Variants in PXDNL observed in about 807,000 individuals in gnomAD.
PXDNL encodes peroxidasin like, also known as probable oxidoreductase PXDNL.
In PXDNL, 145 loss-of-function variants were observed where a neutral mutation model predicts 150.8. That is an observed-to-expected ratio of 0.96 (90% CI 0.84 to 1.10). The LOEUF (loss-of-function observed/expected upper bound fraction) is 1.10, where lower values mean the gene tolerates loss of function less well. PXDNL is among the 50% of genes least tolerant of loss of function. The pLI is 0.00. For synonymous variants in PXDNL, 757 were observed against 725.7 expected, an observed-to-expected ratio of 1.04 and a Z score of -0.69; for missense variants, 2,087 against 1,873.9, an observed-to-expected ratio of 1.11 and a Z score of -2.10.
chr8:51,505,348 C>T (rs1156559957), intron 4 of PXDNL, among the ~76,000 whole-genome samples: 1 of 139,062 alleles, frequency 7.2e-6, no homozygotes, highest in Non-Finnish European at 1.5e-5. Context: ...TCGCTGGTAT[C>T]GCTTTAGCTT....
chr8:51,556,117 T>G (rs1400503029), intron 4 of PXDNL, among the ~76,000 whole-genome samples: 1 of 151,854 alleles, frequency 6.6e-6, no homozygotes, highest in African/African-American at 2.4e-5. Flanking sequence ...ACTAAAAACA[T>G]ATAAATTAGC....
At chr8:51,375,480 T>C (rs1807273480) in intron 17 of PXDNL, among the ~76,000 whole-genome samples, 3 of 152,258 alleles carry the variant, frequency 2.0e-5, no homozygotes, top group South Asian at 4.1e-4. Flanking sequence ...ATACATATGA[T>C]TCTCTAAACT....
At chr8:51,647,399 A>G (rs377732791) in intron 2 of PXDNL, among the ~76,000 whole-genome samples, 2 of 152,210 alleles carry the variant, frequency 1.3e-5, no homozygotes, top group East Asian at 3.8e-4. Flanking sequence ...GAGTGATGGT[A>G]ATTGTGCTGC....
intron 9 of PXDNL, among the ~76,000 whole-genome samples, chr8:51,455,001 C>T (rs1809899948): frequency 4.2e-5 from 4 of 95,558 alleles, no homozygotes; most frequent in African/African-American, 2.2e-4. Context: ...CCCAGCTACT[C>T]GGGAGGCTGA....
At chr8:51,370,192 C>T (rs1189781484) in intron 19 of PXDNL, among the ~76,000 whole-genome samples, 1 of 152,208 alleles carries the variant, frequency 6.6e-6, no homozygotes, top group Non-Finnish European at 1.5e-5. Flanking sequence ...CTAGGTGTTT[C>T]CCTGAATCAC....
At chr8:51,350,225 C>T (rs1806293565) in intron 19 of PXDNL, among the ~76,000 whole-genome samples, 1 of 152,010 alleles carries the variant, frequency 6.6e-6, no homozygotes, top group Admixed American at 6.6e-5. Flanking sequence ...CAATTTTGTA[C>T]AGAGGCTTGA....
intron 12 of PXDNL, among the ~76,000 whole-genome samples, chr8:51,446,490 CCTT>C (rs1191430960): frequency 4.0e-5 from 6 of 151,630 alleles, no homozygotes; most frequent in African/African-American, 1.5e-4. Flanking sequence ...GATTTTTTTC[CCTT>C]TTTATATATC....
intron 3 of PXDNL, among the ~76,000 whole-genome samples, chr8:51,557,227 AAC>A (rs1445140520): frequency 6.6e-6 from 1 of 152,126 alleles, no homozygotes; most frequent in African/African-American, 2.4e-5. Context: ...TTTGACTATA[AAC>A]AATTTTTTAA....
intron 17 of PXDNL, 145 bp from the exon 18 acceptor site, chr8:51,374,876 G>T: frequency 1.9e-6 from 2 of 1,029,622 alleles, no homozygotes; most frequent in Admixed American, 5.5e-5. Context: ...TTTCATGGGG[G>T]AAAGCACTCA....
intron 1 of PXDNL, among the ~76,000 whole-genome samples, chr8:51,689,530 G>T (rs1320978428): frequency 6.6e-6 from 1 of 151,956 alleles, no homozygotes; most frequent in Non-Finnish European, 1.5e-5. Context: ...AGTCTTATGG[G>T]TGATGCCCCA....
intron 9 of PXDNL, among the ~76,000 whole-genome samples, chr8:51,456,010 T>G (rs1349584689): frequency 6.6e-6 from 1 of 152,192 alleles, no homozygotes; most frequent in Non-Finnish European, 1.5e-5. Flanking sequence ...TGCAATTTCC[T>G]CCATTCACTT....
chr8:51,644,330 A>AAAATTTT (rs1350703827), intron 2 of PXDNL, among the ~76,000 whole-genome samples: 1 of 52,654 alleles, frequency 1.9e-5, no homozygotes, highest in African/African-American at 4.1e-5. Context: ...ACATATATAT[A>AAAATTTT]TATATATACA....
chr8:51,616,536 GA>G (rs1407490950), intron 2 of PXDNL, among the ~76,000 whole-genome samples: 1 of 152,146 alleles, frequency 6.6e-6, no homozygotes, highest in African/African-American at 2.4e-5. Flanking sequence ...GGGTATCTGT[GA>G]GGCATTGGTT....
chr8:51,397,755 C>CT lies in PXDNL; in HGVS notation c.3557+10311dup, dbSNP rs747195417. Reference sequence around the variant, plus strand: ...CACTCAGGTCTAAGTAGGGAGAGGCCTTTTTTTTTATTATTATACTTTAAG... The same window carrying CT: ...CACTCAGGTCTAAGTAGGGAGAGGCCTTTTTTTTTTATTATTATACTTTAAG... On this transcript the variant is annotated intron_variant, in intron 17 of 22. Coordinates refer to ENST00000356297, the MANE Select transcript of PXDNL (RefSeq NM_144651.5). 1.7e-4 allele frequency among the ~76,000 whole-genome samples: 26 copies of CT among 150,952 alleles called. No individual in the cohort carries two copies. In the East Asian group the frequency reaches 2.0e-3, roughly 11 times the overall value.
chr8:51,556,856 T>A lies in PXDNL; in HGVS notation c.364A>T (p.Ile122Leu), dbSNP rs749343748. The A allele has an allele frequency of 7.0e-6, 11 of 1,577,404 alleles. No individual in the cohort carries two copies. The highest frequency in any genetic ancestry group is 9.6e-6 in the Non-Finnish European group (11 of 1,147,634). Residue 122 changes from isoleucine (I) to leucine (L), a missense_variant, in exon 4 of 23, where the codon ATA (isoleucine) becomes TTA (leucine). Transcript: ENST00000356297. ...ATTACTTACAGATGTTCCAAAGATA[T>A]GAGTCCTTTAAATGTTTGCTTATCT... ...ALDKQTFKGL[I>L]SLEHLYIHFN...
intron 4 of PXDNL, among the ~76,000 whole-genome samples, chr8:51,506,998 A>T (rs1210074543): frequency 6.6e-6 from 1 of 152,010 alleles, no homozygotes; most frequent in Non-Finnish European, 1.5e-5. Flanking sequence ...TTTTTTTTCC[A>T]TTAAGGACTT....
chr8:51,688,184 T>C (rs1815916554), intron 1 of PXDNL, among the ~76,000 whole-genome samples: 2 of 151,880 alleles, frequency 1.3e-5, no homozygotes, highest in Admixed American at 6.6e-5. Flanking sequence ...GGCAGATCAG[T>C]ATGACCAGAG....
intron 21 of PXDNL, among the ~76,000 whole-genome samples, chr8:51,326,600 T>G (rs1301085521): frequency 6.6e-6 from 1 of 152,244 alleles, no homozygotes; most frequent in Non-Finnish European, 1.5e-5. Flanking sequence ...GTAACATTTT[T>G]ACTTAATTTA....
At chr8:51,384,567 A>AT (rs11387573) in intron 17 of PXDNL, among the ~76,000 whole-genome samples, 3 of 151,896 alleles carry the variant, frequency 2.0e-5, no homozygotes, top group Non-Finnish European at 2.9e-5. Context: ...ACAATTAAAA[A>AT]GTATGCATTT....
Sources: allele counts gnomAD v4.1 joint callset (sites outside exome capture counted in the v4.1 genomes callset), GRCh38; gene constraint gnomAD v4.1.1; transcripts MANE v1.5; gene names NCBI Gene and HGNC (gene_info 2026-07-23, HGNC 2026-07-21).